The following CLHC1 variants were observed in gnomAD, a reference collection of about 807,000 sequenced individuals.
The protein encoded by CLHC1 is clathrin heavy chain linker domain-containing protein 1.
Under a neutral mutation model 69.5 loss-of-function variants are expected in CLHC1, and 72 were observed. That is an observed-to-expected ratio of 1.04 (90% CI 0.86 to 1.26). The LOEUF (loss-of-function observed/expected upper bound fraction) is 1.26, where lower values mean the gene tolerates loss of function less well. Among genes scored for constraint, CLHC1 ranks in the 50% most tolerant of loss-of-function variants. The pLI is 0.00. For synonymous variants in CLHC1, 223 were observed against 224.3 expected, an observed-to-expected ratio of 0.99 and a Z score of 0.05; for missense variants, 790 against 679.3, an observed-to-expected ratio of 1.16 and a Z score of -1.81.
rs1573561631 is a variant in CLHC1, at chr2:55,173,981, T to C, written c.*1809A>G. On this transcript the variant is annotated 3_prime_UTR_variant, in exon 13 of 13. Coordinates refer to ENST00000401408, the MANE Select transcript of CLHC1 (RefSeq NM_152385.4). ...CTAAGCTCTGTCAATGGACACATAATAGCTTTCTATCAATCATATAGGTCT... is the reference window on the plus strand; with the variant it reads ...CTAAGCTCTGTCAATGGACACATAACAGCTTTCTATCAATCATATAGGTCT... 7.2e-6 allele frequency among the ~76,000 whole-genome samples: 1 copy of C among 139,786 alleles called. No homozygotes were observed. The highest frequency in any genetic ancestry group is 2.0e-4 in the East Asian group (1 of 4,908). The allele number at this position is 139,786 out of a possible 152,430, so 91.7% of individuals were successfully genotyped here. A position where few individuals can be genotyped will look rare whatever the true frequency, so the allele number is the denominator to read the frequency against.
chr2:55,180,819 G>A, intron 10 of CLHC1, 107 bp from the exon 11 acceptor site: 1 of 763,848 alleles, frequency 1.3e-6, no homozygotes, highest in South Asian at 1.7e-5. Context: ...TCTACTACCT[G>A]TAAGAATTCC....
intron 2 of CLHC1, among the ~76,000 whole-genome samples, chr2:55,226,191 C>CA (rs11325087): frequency 3.8e-4 from 50 of 131,402 alleles, no homozygotes; most frequent in South Asian, 7.4e-4. Flanking sequence ...GACTCCATTT[C>CA]AAAAAAAAAA....
Position 55,197,396 on chromosome 2 carries a change from C to T in CLHC1, c.1006+8874G>A, listed in dbSNP as rs538021167. Among the ~76,000 whole-genome samples, 7 of 152,300 alleles carry T rather than the reference C, an allele frequency of 4.6e-5. No individual in the cohort carries two copies. In the South Asian group the frequency reaches 1.5e-3, roughly 32 times the overall value. ...ATTACAGTGGGCCTTGGACAAGACCCAGTGCTGTGCTGGCTTCAGGTCTGA... is the reference window on the plus strand; with the variant it reads ...ATTACAGTGGGCCTTGGACAAGACCTAGTGCTGTGCTGGCTTCAGGTCTGA... On this transcript the variant is annotated intron_variant, in intron 9 of 12. Coordinates refer to ENST00000401408, the MANE Select transcript of CLHC1 (RefSeq NM_152385.4).
In CLHC1 at chr2:55,209,400, C is replaced by G; in HGVS notation, c.814+4G>C. On this transcript the variant is annotated splice_donor_region_variant and intron_variant, in intron 7 of 12. Transcript: ENST00000401408. ...GTACTAATTTAAAAATATAGATAAT[C>G]TACCTTGTAAATATTTGGTTTTCTG... is the stretch of plus-strand genomic sequence containing the variant. 2 of 1,548,984 alleles carry G rather than the reference C, an allele frequency of 1.3e-6. No homozygotes were observed. Among genetic ancestry groups the G allele is most frequent in the Non-Finnish European group, 1.8e-6 (2 of 1,133,822 alleles).
intron 4 of CLHC1, 34 bp from the exon 5 acceptor site, chr2:55,212,840 A>C: frequency 6.6e-7 from 1 of 1,506,060 alleles, no homozygotes; most frequent in South Asian, 1.1e-5. Context: ...ATGTCTTTCA[A>C]CTAACTTAAT....
At chr2:55,203,785 C>T (rs879422282) in intron 9 of CLHC1, among the ~76,000 whole-genome samples, 2 of 151,934 alleles carry the variant, frequency 1.3e-5, no homozygotes, top group African/African-American at 4.8e-5. Flanking sequence ...TAAGCACAGG[C>T]AATTGAAGAA....
At chr2:55,219,539 C>T (rs1033143303) in intron 3 of CLHC1, among the ~76,000 whole-genome samples, 6 of 152,204 alleles carry the variant, frequency 3.9e-5, no homozygotes, top group African/African-American at 1.2e-4. Flanking sequence ...CTTTCGATTA[C>T]AATCTCCTTT....
chr2:55,220,616 T>C (rs1379185108), intron 3 of CLHC1, among the ~76,000 whole-genome samples: 2 of 152,148 alleles, frequency 1.3e-5, no homozygotes, highest in Admixed American at 6.5e-5. Flanking sequence ...GGAATTAAAT[T>C]TACCAACAAT....
intron 1 of CLHC1, among the ~76,000 whole-genome samples, chr2:55,228,880 C>T (rs1477965051): frequency 2.0e-5 from 3 of 151,962 alleles, no homozygotes; most frequent in Admixed American, 6.6e-5. Flanking sequence ...CCAGGCACAG[C>T]GGCTCATGCC....
At chr2:55,227,962 C>G (rs934562682) in intron 2 of CLHC1, 70 bp downstream of exon 2, 3 of 152,150 alleles carry the variant, frequency 2.0e-5, no homozygotes, top group Non-Finnish European at 4.4e-5. Context: ...TTCTCTCCCC[C>G]TCCCTGCAGA....
chr2:55,177,757 G>C lies in CLHC1; in HGVS notation c.1409C>G (p.Ser470Ter), dbSNP rs768659419. 6.2e-7 allele frequency: 1 copy of C among 1,609,494 alleles called. No homozygotes were observed. The highest frequency in any genetic ancestry group is 8.5e-7 in the Non-Finnish European group (1 of 1,177,946). Residue 470 changes from serine (S) to a stop codon, truncating the protein, a stop_gained, in exon 12 of 13, where the codon TCA becomes TGA. Coordinates refer to ENST00000401408, the MANE Select transcript of CLHC1 (RefSeq NM_152385.4). LOFTEE classifies it high-confidence loss of function. ...CTGAATTAATTCAACTTGGGGACAT[G>C]ACATTAATAGCTGCAACAGGTCATC... ...TTDDLLQLLM[S>*]CPQVELIQCL...
intron 9 of CLHC1, among the ~76,000 whole-genome samples, chr2:55,204,692 T>C (rs1301957059): frequency 6.6e-6 from 1 of 152,052 alleles, no homozygotes; most frequent in Non-Finnish European, 1.5e-5. Context: ...TAAGTGTCCA[T>C]CAACAGACAA....
Position 55,182,102 on chromosome 2 carries a change from G to C in CLHC1, c.1007-358C>G, listed in dbSNP as rs112956079. 7.9e-5 allele frequency among the ~76,000 whole-genome samples: 12 copies of C among 152,050 alleles called. 1 individual carries two copies. Among genetic ancestry groups the C allele is most frequent in the African/African-American group, 2.9e-4 (12 of 41,482 alleles). ...TCAGAGCTCTGGCCTCCAGAACTGTGAGCGAATATATTTTTCTTTTAAGTA... is the reference window on the plus strand; with the variant it reads ...TCAGAGCTCTGGCCTCCAGAACTGTCAGCGAATATATTTTTCTTTTAAGTA... On this transcript the variant is annotated intron_variant, in intron 9 of 12. Coordinates refer to ENST00000401408, the MANE Select transcript of CLHC1 (RefSeq NM_152385.4).
intron 2 of CLHC1, chr2:55,224,644 T>A (rs1460710754): frequency 4.2e-6 from 1 of 236,932 alleles, no homozygotes. Flanking sequence ...GTTGGGAGTG[T>A]CTGAGGCGCA....
intron 5 of CLHC1, among the ~76,000 whole-genome samples, chr2:55,210,153 C>G (rs1037434100): frequency 6.6e-6 from 1 of 151,994 alleles, no homozygotes; most frequent in South Asian, 2.1e-4. Context: ...AGCCACTGTG[C>G]CAGGCCAGGC....
intron 11 of CLHC1, among the ~76,000 whole-genome samples, chr2:55,177,996 C>T (rs533433427): frequency 3.9e-5 from 6 of 152,048 alleles, no homozygotes; most frequent in East Asian, 1.9e-4. Context: ...AGGAAAACTA[C>T]CCATAAGAGT....
chr2:55,211,996 G>C lies in CLHC1; in HGVS notation c.499+677C>G, dbSNP rs10439480. Among the ~76,000 whole-genome samples the C allele has an allele frequency of 3.9e-3, 599 of 152,338 alleles. 8 individuals carry two copies. The highest frequency in any genetic ancestry group is 0.014 in the African/African-American group (564 of 41,582). On this transcript the variant is annotated intron_variant, in intron 5 of 12. Coordinates refer to ENST00000401408, the MANE Select transcript of CLHC1 (RefSeq NM_152385.4). ...GAGTGCATCAAAAAAACCTGAAGCG[G>C]CTGGGCACAGTGGCTCATGCCTTTA...
chr2:55,208,677 T>C lies in CLHC1; in HGVS notation c.848A>G (p.Asp283Gly), dbSNP rs755123116. 1.2e-6 allele frequency: 2 copies of C among 1,612,568 alleles called. No individual in the cohort carries two copies. Among genetic ancestry groups the C allele is most frequent in the Non-Finnish European group, 1.7e-6 (2 of 1,178,660 alleles). Residue 283 changes from aspartate to glycine, a missense_variant, in exon 8 of 13, where the codon GAT becomes GGT. Transcript: ENST00000401408. ...AGCTTCTTTTGCCCTGCGTGGATCA[T>C]CTTCCATTAGTTCTTCAACAATGCC... Reference protein sequence around the residue: ...DQGIVEELMEDDPRRAKEAEI... With the variant: ...DQGIVEELMEGDPRRAKEAEI...
At chr2:55,182,547 T>C (rs1670029822) in intron 9 of CLHC1, among the ~76,000 whole-genome samples, 1 of 152,192 alleles carries the variant, frequency 6.6e-6, no homozygotes, top group African/African-American at 2.4e-5. Flanking sequence ...CCACCATATC[T>C]TATTTCCTAG....
Sources: gnomAD v4.1 joint callset for allele counts (sites outside exome capture counted in the v4.1 genomes callset) on GRCh38, gnomAD v4.1.1 for gene constraint, MANE v1.5 for transcripts, NCBI Gene and HGNC (gene_info 2026-07-23, HGNC 2026-07-21) for gene names.